Variants in PLCB1 observed in about 807,000 individuals in gnomAD.
PLCB1 encodes the protein phospholipase C beta 1, also known as 1-phosphatidylinositol 4,5-bisphosphate phosphodiesterase beta-1.
In PLCB1, 46 loss-of-function variants were observed where a neutral mutation model predicts 161.8. The observed-to-expected ratio is 0.28, with a 90% CI of 0.22 to 0.36. PLCB1 has a LOEUF of 0.36. Among genes scored for constraint, PLCB1 ranks in the 10% least tolerant of loss-of-function variants. The pLI, the probability that PLCB1 is intolerant of heterozygous loss-of-function variation, is 1.00. For synonymous variants in PLCB1, 517 were observed against 503.7 expected, an observed-to-expected ratio of 1.03 and a Z score of -0.35; for missense variants, 1,016 against 1,472.5, an observed-to-expected ratio of 0.69 and a Z score of 5.07.
chr20:8,169,153 A>G, intron 2 of PLCB1, among the ~76,000 whole-genome samples: 1 of 152,070 alleles, frequency 6.6e-6, no homozygotes, highest in East Asian at 1.9e-4. Context: ...TAGTGAATGT[A>G]TATTGGGTGG....
At chr20:8,846,787 C>T (rs752475250) in intron 31 of PLCB1, among the ~76,000 whole-genome samples, 3 of 152,114 alleles carry the variant, frequency 2.0e-5, no homozygotes, top group East Asian at 1.9e-4. Context: ...TGGGAAGATC[C>T]GGCCAGGGCA....
At chr20:8,750,168 A>G (rs935141854) in intron 23 of PLCB1, among the ~76,000 whole-genome samples, 6 of 152,204 alleles carry the variant, frequency 3.9e-5, no homozygotes, top group Non-Finnish European at 8.8e-5. Context: ...GTGAGTGCTT[A>G]TATGATGACA....
chr20:8,755,450 G>T (rs1947226037), intron 23 of PLCB1, among the ~76,000 whole-genome samples: 2 of 152,140 alleles, frequency 1.3e-5, no homozygotes, highest in Non-Finnish European at 1.5e-5. Flanking sequence ...AGTAAAACCT[G>T]CCAGGGACTT....
chr20:8,397,311 T>A (rs1987796423), intron 3 of PLCB1, among the ~76,000 whole-genome samples: 1 of 152,152 alleles, frequency 6.6e-6, no homozygotes, highest in Admixed American at 6.6e-5. Context: ...ATTATTAAAA[T>A]TATTTTCTAT....
chr20:8,704,354 A>C (rs1219534260), intron 11 of PLCB1, among the ~76,000 whole-genome samples: 1 of 135,574 alleles, frequency 7.4e-6, no homozygotes, highest in Non-Finnish European at 1.7e-5. Context: ...ACTTCGTTTC[A>C]AAAAAAAAAA....
At chr20:8,349,170 G>T (rs1383144514) in intron 2 of PLCB1, among the ~76,000 whole-genome samples, 1 of 152,072 alleles carries the variant, frequency 6.6e-6, no homozygotes, top group Non-Finnish European at 1.5e-5. Context: ...TAAAATCCTT[G>T]GGAATTCAGA....
At chr20:8,757,869 A>AAATG (rs540608717) in intron 24 of PLCB1, among the ~76,000 whole-genome samples, 1 of 19,762 alleles carries the variant, frequency 5.1e-5, no homozygotes, top group Non-Finnish European at 1.2e-4. Context: ...ATAAATGAAT[A>AAATG]AATAAATAAA....
rs1038266829 is a variant in PLCB1, at chr20:8,132,556, A to G, written c.-96A>G. The stretch of plus-strand genomic sequence containing the variant: ...GAGCAGAGTCGAGCGCCTCCGGAGC[A>G]GAGAAAGGAGCCCGCGCCCCGCGCC... On this transcript the variant is annotated 5_prime_UTR_variant, in exon 1 of 32. Coordinates refer to ENST00000338037, the MANE Select transcript of PLCB1 (RefSeq NM_015192.4). The surrounding 1 kb of genome is among the most constrained non-coding windows in gnomAD (Gnocchi z 5.2). 27 of 706,798 alleles carry G rather than the reference A, an allele frequency of 3.8e-5. No homozygotes were observed. Among genetic ancestry groups the G allele is most frequent in the Non-Finnish European group, 5.6e-5 (26 of 465,878 alleles). 43.8% of individuals were successfully genotyped at this position (706,798 alleles called of 1,614,324 possible).
intron 2 of PLCB1, among the ~76,000 whole-genome samples, chr20:8,163,447 A>C (rs563874059): frequency 1.3e-5 from 2 of 152,352 alleles, no homozygotes; most frequent in East Asian, 3.9e-4. Flanking sequence ...GTTGGCATAC[A>C]TGAAAACACA....
intron 16 of PLCB1, among the ~76,000 whole-genome samples, chr20:8,726,902 T>C (rs1979968699): frequency 6.6e-6 from 1 of 152,124 alleles, no homozygotes; most frequent in Admixed American, 6.6e-5. Flanking sequence ...AGTCAGCACC[T>C]AGCACAAACA....
intron 31 of PLCB1, among the ~76,000 whole-genome samples, chr20:8,867,669 A>G (rs1282261201): frequency 1.3e-5 from 2 of 152,232 alleles, no homozygotes; most frequent in Non-Finnish European, 2.9e-5. Flanking sequence ...ATCAGAAGCT[A>G]CAAAGTAGTG....
intron 15 of PLCB1, among the ~76,000 whole-genome samples, chr20:8,722,814 G>A (rs1435108344): frequency 2.0e-5 from 3 of 152,050 alleles, no homozygotes; most frequent in Non-Finnish European, 2.9e-5. Flanking sequence ...AACAATCTGG[G>A]CAACAGAGAG....
chr20:8,148,532 T>A (rs879554717), intron 1 of PLCB1, among the ~76,000 whole-genome samples: 1 of 152,202 alleles, frequency 6.6e-6, no homozygotes, highest in Non-Finnish European at 1.5e-5. Context: ...AGTACTATCA[T>A]ATGATCCAGT....
rs572984639 is a variant in PLCB1, at chr20:8,406,851, G to A, written c.246+35401G>A. ...CTGGCTTTTTAAAATCCGTTTATTGGGGGTATTTTAATGAATTGTTAGAAT... is the reference window on the plus strand; with the variant it reads ...CTGGCTTTTTAAAATCCGTTTATTGAGGGTATTTTAATGAATTGTTAGAAT... On this transcript the variant is annotated intron_variant, in intron 3 of 31. Coordinates refer to ENST00000338037, the MANE Select transcript of PLCB1 (RefSeq NM_015192.4). 5.9e-5 allele frequency among the ~76,000 whole-genome samples: 9 copies of A among 152,228 alleles called. No individual in the cohort carries two copies. The South Asian group carries it at 1.0e-3, about 18-fold the overall frequency.
intron 12 of PLCB1, among the ~76,000 whole-genome samples, chr20:8,710,111 G>C (rs1978913925): frequency 6.6e-6 from 1 of 152,156 alleles, no homozygotes; most frequent in Admixed American, 6.5e-5. Context: ...GAAGAAAAGA[G>C]GTTTAATTGG....
chr20:8,522,398 C>T (rs574282309), intron 3 of PLCB1, among the ~76,000 whole-genome samples: 3 of 152,176 alleles, frequency 2.0e-5, no homozygotes, highest in East Asian at 1.9e-4. Context: ...CCTGTGGTTA[C>T]GCTAACAATT....
intron 3 of PLCB1, among the ~76,000 whole-genome samples, chr20:8,593,401 C>A (rs541609272): frequency 3.3e-5 from 5 of 152,040 alleles, no homozygotes; most frequent in Admixed American, 1.3e-4. Flanking sequence ...GCTCTGTTTC[C>A]CAGGCTGGCC....
intron 31 of PLCB1, among the ~76,000 whole-genome samples, chr20:8,857,429 A>G (rs943519857): frequency 6.6e-6 from 1 of 152,220 alleles, no homozygotes; most frequent in East Asian, 1.9e-4. Flanking sequence ...CTATTCCATG[A>G]ATGTATCGCA....
At chr20:8,455,921 G>T (rs1981296406) in intron 3 of PLCB1, among the ~76,000 whole-genome samples, 1 of 152,130 alleles carries the variant, frequency 6.6e-6, no homozygotes, top group Non-Finnish European at 1.5e-5. Context: ...CGGTAATCAG[G>T]CAGGGGCAGT....
Sources: allele counts gnomAD v4.1 joint callset (sites outside exome capture counted in the v4.1 genomes callset), GRCh38; gene constraint gnomAD v4.1.1; non-coding constraint Gnocchi (gnomAD v3.1); transcripts MANE v1.5; gene names NCBI Gene and HGNC (gene_info 2026-07-23, HGNC 2026-07-21).